The following CPEB1 variants were observed in gnomAD, a reference collection of about 807,000 sequenced individuals.
CPEB1 encodes cytoplasmic polyadenylation element-binding protein 1.
In CPEB1, 7 loss-of-function variants were observed where a neutral mutation model predicts 65.8. That is an observed-to-expected ratio of 0.11 (90% CI 0.06 to 0.20). The LOEUF is 0.20. Among genes scored for constraint, CPEB1 ranks in the 10% least tolerant of loss-of-function variants. CPEB1 has a pLI of 1.00. For missense variants in CPEB1, 551 were observed against 712.2 expected (o/e 0.77, Z 2.58); for synonymous variants, 262 against 260.0 (o/e 1.01, Z -0.08).
chr15:82,545,863 C>G (rs2035094682), intron 12 of CPEB1, among the ~76,000 whole-genome samples: 1 of 152,196 alleles, frequency 6.6e-6, no homozygotes, highest in Non-Finnish European at 1.5e-5. Flanking sequence ...CCACACCCAG[C>G]CAGGCTTCCA....
chr15:82,566,142 G>T (rs1411382388), intron 4 of CPEB1, among the ~76,000 whole-genome samples: 2 of 152,176 alleles, frequency 1.3e-5, no homozygotes, highest in Non-Finnish European at 2.9e-5. Flanking sequence ...AAAGGCACCT[G>T]GAGTGTGATG....
At chr15:82,553,126 T>C (rs114610605) in intron 8 of CPEB1, among the ~76,000 whole-genome samples, 2,558 of 152,242 alleles carry the variant, frequency 0.017, 68 homozygotes, top group African/African-American at 0.058. Flanking sequence ...ACAACGTAAC[T>C]GGGCAGGACA....
At chr15:82,586,628 G>A (rs2151125161) in intron 3 of CPEB1, among the ~76,000 whole-genome samples, 2 of 152,208 alleles carry the variant, frequency 1.3e-5, no homozygotes, top group East Asian at 3.8e-4. Flanking sequence ...CAATCTGCAT[G>A]AAAATGAGTA....
At chr15:82,632,203 TG>T (rs1358343652) in intron 1 of CPEB1, among the ~76,000 whole-genome samples, 1 of 151,978 alleles carries the variant, frequency 6.6e-6, no homozygotes, top group Non-Finnish European at 1.5e-5. Flanking sequence ...AGGATGGTCT[TG>T]ATCTCCTGAC....
Position 82,553,329 on chromosome 15 carries a change from T to C in CPEB1, c.1144+138A>G, listed in dbSNP as rs1353625672. On this transcript the variant is annotated intron_variant, in intron 8 of 12. Transcript: ENST00000684509. ...AGGTTGAAGAGAAAGTGCTGACAGA[T>C]GGCAGGTCTGTGCCCTGGAGTGCCC... 4.6e-6 allele frequency: 3 copies of C among 645,504 alleles called. No homozygotes were observed. In the Admixed American group the frequency reaches 8.0e-5, roughly 17 times the overall value. The allele number at this position is 645,504 out of a possible 1,614,324, so 40.0% of individuals were successfully genotyped here. A position where few individuals can be genotyped will look rare whatever the true frequency, so the allele number is the denominator to read the frequency against.
At chr15:82,647,766 T>C (rs1396960037), upstream of CPEB1, 2 of 1,128,034 alleles carry the variant, frequency 1.8e-6, no homozygotes, top group South Asian at 3.3e-5. Flanking sequence ...GGGATGGGGG[T>C]ACCGCGGCGC....
chr15:82,632,140 C>G (rs1014218808), intron 1 of CPEB1, among the ~76,000 whole-genome samples: 1 of 151,876 alleles, frequency 6.6e-6, no homozygotes, highest in African/African-American at 2.4e-5. Flanking sequence ...CGCCACCACG[C>G]CCGGCTCATT....
chr15:82,629,448 C>T (rs192730427), intron 1 of CPEB1: 1 of 969,752 alleles, frequency 1.0e-6, no homozygotes, highest in South Asian at 4.8e-5. Flanking sequence ...AAAAGAACTC[C>T]TATATATATA....
chr15:82,551,495 G>A (rs192697127), intron 9 of CPEB1, among the ~76,000 whole-genome samples: 69 of 152,218 alleles, frequency 4.5e-4, no homozygotes, highest in African/African-American at 1.6e-3. Context: ...AAAGTATAAT[G>A]ACATGTATCC....
At chr15:82,645,185 G>A (rs1289164334) in intron 1 of CPEB1, among the ~76,000 whole-genome samples, 2 of 152,176 alleles carry the variant, frequency 1.3e-5, no homozygotes, top group Non-Finnish European at 2.9e-5. Flanking sequence ...ACGAAGTCTC[G>A]CTCTGTCGTT....
chr15:82,609,928 C>T (rs1012739918), intron 3 of CPEB1, among the ~76,000 whole-genome samples: 3 of 151,796 alleles, frequency 2.0e-5, no homozygotes, highest in East Asian at 1.9e-4. Context: ...GGCATGGTGG[C>T]GCATGCCTGT....
intron 3 of CPEB1, among the ~76,000 whole-genome samples, chr15:82,587,999 G>A (rs2041936724): frequency 6.6e-6 from 1 of 152,064 alleles, no homozygotes; most frequent in Non-Finnish European, 1.5e-5. Flanking sequence ...TCATCTCACT[G>A]CACCCTCTGC....
chr15:82,574,417 G>A (rs1385079857), intron 3 of CPEB1, among the ~76,000 whole-genome samples: 1 of 152,056 alleles, frequency 6.6e-6, no homozygotes, highest in Non-Finnish European at 1.5e-5. Context: ...GTTTTGTGAG[G>A]ATTAAAGAAA....
intron 4 of CPEB1, among the ~76,000 whole-genome samples, chr15:82,570,366 T>G: frequency 6.6e-6 from 1 of 152,206 alleles, no homozygotes; most frequent in African/African-American, 2.4e-5. Context: ...CAACAGCGAA[T>G]GGCTGTACCA....
chr15:82,561,585 TA>T (rs1461639777), intron 4 of CPEB1, among the ~76,000 whole-genome samples: 1 of 152,188 alleles, frequency 6.6e-6, no homozygotes, highest in Admixed American at 6.5e-5. Flanking sequence ...AGGTTTTTTT[TA>T]AAAGGTATTT....
chr15:82,617,253 T>C (rs1013567803), intron 3 of CPEB1, among the ~76,000 whole-genome samples: 2 of 152,262 alleles, frequency 1.3e-5, no homozygotes, highest in African/African-American at 4.8e-5. Flanking sequence ...TATTCCTCTT[T>C]ACTGCTGAGC....
intron 1 of CPEB1, among the ~76,000 whole-genome samples, chr15:82,634,385 G>C (rs2046494478): frequency 6.6e-6 from 1 of 152,154 alleles, no homozygotes; most frequent in Non-Finnish European, 1.5e-5. Flanking sequence ...CATTGTGATA[G>C]GATGGCCATT....
rs3080692 is a variant in CPEB1, at chr15:82,584,903, C to CTT, written c.272-13373_272-13372dup. Among the ~76,000 whole-genome samples, 743 of 81,716 alleles carry CTT rather than the reference C, an allele frequency of 9.1e-3. 50 individuals are homozygous for CTT. The highest frequency in any genetic ancestry group is 0.037 in the East Asian group (99 of 2,682). 53.6% of individuals were successfully genotyped at this position (81,716 alleles called of 152,430 possible). A position where few individuals can be genotyped will look rare whatever the true frequency, so the allele number is the denominator to read the frequency against. On this transcript the variant is annotated intron_variant, in intron 3 of 12. Coordinates refer to ENST00000684509, the MANE Select transcript of CPEB1 (RefSeq NM_001365242.1). ...GACATAATTTTTTTTTCCTAATTTG[C>CTT]TTTTTTTTTTTTTTTTTTTACAGTG...
At chr15:82,622,622 C>T (rs1001504211) in intron 3 of CPEB1, among the ~76,000 whole-genome samples, 1 of 152,134 alleles carries the variant, frequency 6.6e-6, no homozygotes, top group Non-Finnish European at 1.5e-5. Context: ...AAACTCCTGA[C>T]CTCAAGTGAT....
Sources: gnomAD v4.1 joint callset for allele counts (sites outside exome capture counted in the v4.1 genomes callset) on GRCh38, gnomAD v4.1.1 for gene constraint, MANE v1.5 for transcripts, NCBI Gene and HGNC (gene_info 2026-07-23, HGNC 2026-07-21) for gene names.